C1QTNF7: variants seen among roughly 807,000 people sequenced by gnomAD.
C1QTNF7 encodes the protein C1q and TNF related 7, also known as complement C1q tumor necrosis factor-related protein 7.
A neutral mutation model predicts 19.6 loss-of-function variants in C1QTNF7; 15 were observed. That is an observed-to-expected ratio of 0.76 (90% CI 0.51 to 1.18). C1QTNF7 has a LOEUF of 1.18. C1QTNF7 is among the 50% of genes most tolerant of loss of function. C1QTNF7 has a pLI of 0.00. For missense variants in C1QTNF7, 324 were observed against 359.7 expected, an observed-to-expected ratio of 0.90 and a Z score of 0.80; for synonymous variants, 142 against 137.5, an observed-to-expected ratio of 1.03 and a Z score of -0.23.
At chr4:15,438,634 A>G (rs973829824) in intron 2 of C1QTNF7, among the ~76,000 whole-genome samples, 1 of 152,220 alleles carries the variant, frequency 6.6e-6, no homozygotes, top group Non-Finnish European at 1.5e-5. Flanking sequence ...TAATATTAAC[A>G]TTTAATTTAA....
Position 15,382,191 on chromosome 4 carries a change from C to T in C1QTNF7, c.13+41984C>T, listed in dbSNP as rs1006533033. On this transcript the variant is annotated intron_variant, in intron 1 of 2. Coordinates refer to the C1QTNF7 transcript ENST00000295297. ...TCAATACATTATCCTCATCTTAACC[C>T]GTGAAGCCAGGTTTCAAATGTGGTT... Among the ~76,000 whole-genome samples, 4 of 152,106 alleles carry T rather than the reference C, an allele frequency of 2.6e-5. No homozygotes were observed. In the East Asian group the frequency reaches 5.8e-4, roughly 22 times the overall value.
rs796676742 is a variant in C1QTNF7, at chr4:15,396,696, C to T, written c.14-39040C>T. The stretch of plus-strand genomic sequence containing the variant: ...ACTGATGCTCAGTCCCTCTGAGGAC[C>T]CTGAGAGTTCCTCAGAACACCCCTC... On this transcript the variant is annotated intron_variant, in intron 1 of 2. Coordinates refer to the C1QTNF7 transcript ENST00000295297. Among the ~76,000 whole-genome samples the T allele has an allele frequency of 4.6e-5, 7 of 152,124 alleles. No homozygotes were observed. In the East Asian group the frequency reaches 1.2e-3, roughly 25 times the overall value.
intron 1 of C1QTNF7, among the ~76,000 whole-genome samples, chr4:15,393,133 A>T (rs1718641238): frequency 6.6e-6 from 1 of 152,072 alleles, no homozygotes; most frequent in South Asian, 2.1e-4. Context: ...ATAAGGGGAA[A>T]TCTCTTTCGC....
At chr4:15,434,326 G>A (rs762190641) in intron 1 of C1QTNF7, among the ~76,000 whole-genome samples, 10 of 152,082 alleles carry the variant, frequency 6.6e-5, no homozygotes, top group African/African-American at 1.9e-4. Flanking sequence ...TCATTCCTAC[G>A]CTCTGGCAAT....
At chr4:15,399,416 T>G (rs901422275) in intron 1 of C1QTNF7, among the ~76,000 whole-genome samples, 1 of 152,154 alleles carries the variant, frequency 6.6e-6, no homozygotes, top group African/African-American at 2.4e-5. Context: ...AGATAGTAGT[T>G]AAGAACATGC....
rs772271860 is a variant in C1QTNF7, at chr4:15,443,586, G to T, written c.*787G>T. ...TGTATGTGTTTAAGGGGGTGTGATG[G>T]ATGCAAAGGGAATGAGGAATTCAGC... On this transcript the variant is annotated 3_prime_UTR_variant, in exon 3 of 3. Coordinates refer to ENST00000444304, the MANE Select transcript of C1QTNF7 (RefSeq NM_031911.5). The T allele has an allele frequency of 6.6e-6, 1 of 152,186 alleles. No homozygotes were observed. Among genetic ancestry groups the T allele is most frequent in the Non-Finnish European group, 1.5e-5 (1 of 68,026 alleles). 9.4% of individuals were successfully genotyped at this position (152,186 alleles called of 1,614,324 possible).
chr4:15,427,838 A>G (rs1250070926), upstream of C1QTNF7: 1 of 157,348 alleles, frequency 6.4e-6, no homozygotes, highest in East Asian at 1.9e-4. Context: ...CCACTGAAGG[A>G]AAGCAGGCAC....
intron 1 of C1QTNF7, among the ~76,000 whole-genome samples, chr4:15,390,741 C>T (rs533155466): frequency 4.6e-4 from 70 of 152,214 alleles, no homozygotes; most frequent in African/African-American, 1.6e-3. Context: ...TCCAGACTTC[C>T]CTGAACACTC....
Position 15,442,862 on chromosome 4 carries a change from A to C in C1QTNF7, c.*63A>C. ...ATCTGGGGTTCCAGAAGGTGGAACA[A>C]GCAGGAATGGGATCCAAAGAGACTC... On this transcript the variant is annotated 3_prime_UTR_variant, in exon 3 of 3. Coordinates refer to ENST00000444304, the MANE Select transcript of C1QTNF7 (RefSeq NM_031911.5). 3 of 1,465,146 alleles carry C rather than the reference A, an allele frequency of 2.0e-6. No homozygotes were observed. The highest frequency in any genetic ancestry group is 2.7e-6 in the Non-Finnish European group (3 of 1,096,536). The allele number at this position is 1,465,146 out of a possible 1,614,324, so 90.8% of individuals were successfully genotyped here. A position where few individuals can be genotyped will look rare whatever the true frequency, so the allele number is the denominator to read the frequency against.
At chr4:15,428,877 T>C (rs1378955583) in intron 1 of C1QTNF7, among the ~76,000 whole-genome samples, 1 of 152,226 alleles carries the variant, frequency 6.6e-6, no homozygotes, top group African/African-American at 2.4e-5. Context: ...CTCTTCTTAA[T>C]GATTTCCAGG....
At chr4:15,424,942 T>G (rs949363118), upstream of C1QTNF7, among the ~76,000 whole-genome samples, 3 of 152,170 alleles carry the variant, frequency 2.0e-5, no homozygotes, top group Non-Finnish European at 4.4e-5. Context: ...TAAATATCTC[T>G]CTTCCTCACT....
At chr4:15,411,749 C>G (rs528893422) in intron 1 of C1QTNF7, among the ~76,000 whole-genome samples, 82 of 152,304 alleles carry the variant, frequency 5.4e-4, no homozygotes, top group African/African-American at 1.8e-3. Context: ...CCTGGTGGAG[C>G]AGTTACCATC....
At chr4:15,402,631 C>A (rs973214932) in intron 1 of C1QTNF7, among the ~76,000 whole-genome samples, 2 of 152,090 alleles carry the variant, frequency 1.3e-5, no homozygotes, top group Non-Finnish European at 2.9e-5. Flanking sequence ...TCTTTCATGG[C>A]AGAAGATAAA....
intron 1 of C1QTNF7, among the ~76,000 whole-genome samples, chr4:15,344,327 G>A (rs1451195330): frequency 6.6e-6 from 1 of 152,216 alleles, no homozygotes; most frequent in Non-Finnish European, 1.5e-5. Context: ...AGTAACCAGT[G>A]CACAGCTGTG....
intron 1 of C1QTNF7, among the ~76,000 whole-genome samples, chr4:15,405,521 T>A (rs943939689): frequency 6.6e-6 from 1 of 152,130 alleles, no homozygotes; most frequent in African/African-American, 2.4e-5. Context: ...GAGGTGGAAA[T>A]GGGCATCAAT....
At chr4:15,411,079 A>G (rs979475303) in intron 1 of C1QTNF7, among the ~76,000 whole-genome samples, 4 of 152,214 alleles carry the variant, frequency 2.6e-5, no homozygotes, top group African/African-American at 9.7e-5. Context: ...CGTGCATACT[A>G]ACTTCCATTA....
At chr4:15,424,726 A>G (rs138033588), upstream of C1QTNF7, among the ~76,000 whole-genome samples, 6 of 152,212 alleles carry the variant, frequency 3.9e-5, no homozygotes, top group African/African-American at 1.4e-4. Flanking sequence ...TCAACCACTA[A>G]TCTTTTCTGA....
At chr4:15,350,171 G>A (rs1467849393) in intron 1 of C1QTNF7, among the ~76,000 whole-genome samples, 3 of 100,692 alleles carry the variant, frequency 3.0e-5, no homozygotes, top group South Asian at 4.5e-4. Context: ...GGGAGGGAGC[G>A]AAGGAGGGAG....
In C1QTNF7 at chr4:15,444,815, C is replaced by G. The variant is rs1338430125; in HGVS notation, c.*2016C>G. 6.6e-6 allele frequency: 1 copy of G among 152,116 alleles called. No individual in the cohort carries two copies. Among genetic ancestry groups the G allele is most frequent in the Non-Finnish European group, 1.5e-5 (1 of 68,052 alleles). 9.4% of individuals were successfully genotyped at this position (152,116 alleles called of 1,614,324 possible). On this transcript the variant is annotated 3_prime_UTR_variant, in exon 3 of 3. Transcript: ENST00000444304. ...AAGTTGGGGGAAAGCGCACTTGAGA[C>G]AGAGGTAATGATGGGGACGAAGTGA...
Sources: allele counts gnomAD v4.1 joint callset (sites outside exome capture counted in the v4.1 genomes callset), GRCh38; gene constraint gnomAD v4.1.1; transcripts MANE v1.5; gene names NCBI Gene and HGNC (gene_info 2026-07-23, HGNC 2026-07-21).